RNF6: variants seen among roughly 807,000 people sequenced by gnomAD.
RNF6 encodes ring finger protein 6.
Under a neutral mutation model 50.1 loss-of-function variants are expected in RNF6, and 21 were observed. That is an observed-to-expected ratio of 0.42 (90% CI 0.30 to 0.60). The LOEUF is 0.60. Among genes scored for constraint, RNF6 ranks in the 20% least tolerant of loss-of-function variants. RNF6 has a pLI of 0.20. For synonymous variants in RNF6, 255 were observed against 291.8 expected, an observed-to-expected ratio of 0.87 and a Z score of 1.29; for missense variants, 698 against 838.2, an observed-to-expected ratio of 0.83 and a Z score of 2.07.
At chr13:26,165,117 T>C (rs1448944706) in intron 5 of RNF6, among the ~76,000 whole-genome samples, 1 of 152,170 alleles carries the variant, frequency 6.6e-6, no homozygotes, top group Non-Finnish European at 1.5e-5. Flanking sequence ...GTGTGCAGCC[T>C]AGGGACTCGG....
At chr13:26,177,871 T>A (rs538924696) in intron 5 of RNF6, among the ~76,000 whole-genome samples, 1 of 152,308 alleles carries the variant, frequency 6.6e-6, no homozygotes, top group East Asian at 1.9e-4. Flanking sequence ...AACACAAATA[T>A]GATGTGTCAC....
intron 5 of RNF6, among the ~76,000 whole-genome samples, chr13:26,146,554 T>C (rs578083169): frequency 2.4e-4 from 36 of 152,314 alleles, no homozygotes; most frequent in African/African-American, 8.2e-4. Flanking sequence ...TGGACCACCC[T>C]AGGGTGAGTG....
intron 5 of RNF6, among the ~76,000 whole-genome samples, chr13:26,200,712 C>A (rs1868866625): frequency 1.3e-5 from 2 of 152,180 alleles, no homozygotes; most frequent in African/African-American, 2.4e-5. Context: ...GCCTGAAATT[C>A]TTAATAATTT....
intron 5 of RNF6, among the ~76,000 whole-genome samples, chr13:26,149,491 G>A (rs572147615): frequency 6.6e-6 from 1 of 152,124 alleles, no homozygotes; most frequent in East Asian, 1.9e-4. Context: ...GGAGGCTCAG[G>A]CAGGAGAATA....
intron 5 of RNF6, among the ~76,000 whole-genome samples, chr13:26,148,113 C>A (rs542564141): frequency 6.6e-6 from 1 of 152,250 alleles, no homozygotes; most frequent in Non-Finnish European, 1.5e-5. Context: ...GAGAAGCAAG[C>A]ACCTTCTTCA....
chr13:26,141,847 A>G (rs1210084352), intron 5 of RNF6, among the ~76,000 whole-genome samples: 1 of 152,138 alleles, frequency 6.6e-6, no homozygotes, highest in Non-Finnish European at 1.5e-5. Flanking sequence ...CAAAGAATTT[A>G]TTCTTTGGTC....
At chr13:26,133,164 A>C (rs967275651) in intron 5 of RNF6, among the ~76,000 whole-genome samples, 1 of 152,244 alleles carries the variant, frequency 6.6e-6, no homozygotes, top group Non-Finnish European at 1.5e-5. Flanking sequence ...AAGTATTGAA[A>C]TAAAAGACCT....
intron 5 of RNF6, among the ~76,000 whole-genome samples, chr13:26,195,052 A>T (rs917227719): frequency 3.9e-5 from 6 of 152,228 alleles, no homozygotes; most frequent in African/African-American, 1.4e-4. Context: ...CAATGGCCAA[A>T]AAACAGTATT....
chr13:26,196,403 C>T (rs1473969931), intron 5 of RNF6, among the ~76,000 whole-genome samples: 1 of 152,128 alleles, frequency 6.6e-6, no homozygotes, highest in Admixed American at 6.6e-5. Flanking sequence ...GTAATCCCAG[C>T]ACTTTGGGAG....
Position 26,222,051 on chromosome 13 carries a change from T to C in RNF6, c.-150A>G, listed in dbSNP as rs1213789477. 1.3e-5 allele frequency: 2 copies of C among 152,330 alleles called. No individual in the cohort carries two copies. Among genetic ancestry groups the C allele is most frequent in the East Asian group, 3.9e-4 (2 of 5,168 alleles). 9.4% of individuals were successfully genotyped at this position (152,330 alleles called of 1,614,324 possible). ...CCTCCTGTCCGGAGAACGTGTGCTG[T>C]GGGCGGCCGTTCTCTCGGGTGCTGG... On this transcript the variant is annotated 5_prime_UTR_variant, in exon 1 of 5. Transcript: ENST00000381588.
chr13:26,214,498 C>G lies in RNF6; in HGVS notation c.1384G>C (p.Val462Leu). 6.2e-7 allele frequency: 1 copy of G among 1,614,186 alleles called. No individual in the cohort carries two copies. The highest frequency in any genetic ancestry group is 1.3e-5 in the African/African-American group (1 of 75,052). ...GIRTYVSTIT[V>L]PLRRISENEL... is the part of the protein sequence containing the mutation. ...TTCTCAGAAATCCTACGAAGAGGAA[C>G]TGTTATGGTACTAACATAGGTTCGA... The change falls in exon 5 of 5, where the codon GTT becomes CTT. Residue 462 changes from valine (V) to leucine (L), a missense_variant. Physicochemically the swap from Val to Leu is conservative, Grantham distance 32. Transcript: ENST00000381588.
intron 5 of RNF6, among the ~76,000 whole-genome samples, chr13:26,191,288 C>A (rs565701435): frequency 7.9e-5 from 12 of 152,132 alleles, no homozygotes; most frequent in African/African-American, 2.9e-4. Context: ...TAAATGCATT[C>A]ATTCATTCAA....
chr13:26,149,870 G>GTATA lies in RNF6; in HGVS notation n.769-17423_769-17420dup, dbSNP rs749089662. Among the ~76,000 whole-genome samples the GTATA allele has an allele frequency of 4.5e-4, 33 of 73,996 alleles. 1 individual carries two copies. Among genetic ancestry groups the GTATA allele is most frequent in the African/African-American group, 1.2e-3 (23 of 19,648 alleles). The allele number at this position is 73,996 out of a possible 152,430, so 48.5% of individuals were successfully genotyped here. A position where few individuals can be genotyped will look rare whatever the true frequency, so the allele number is the denominator to read the frequency against. Reference sequence around the variant, plus strand: ...CACAGTGTATATATAATGTGTGTGTGTATATATATATATATATATATATAC... The same window carrying GTATA: ...CACAGTGTATATATAATGTGTGTGTGTATATATATATATATATATATATATATAC... On this transcript the variant is annotated intron_variant and non_coding_transcript_variant, in intron 5 of 5. Coordinates refer to the RNF6 transcript ENST00000468480.
chr13:26,132,520 T>C (rs1870444611), intron 5 of RNF6: 1 of 436,474 alleles, frequency 2.3e-6, no homozygotes, highest in Admixed American at 2.6e-5. Flanking sequence ...AACTTCCATG[T>C]CTTTAGTAAT....
rs1868564207 is a variant in RNF6 at position 26,194,057 on chromosome 13, T to TA, written n.768+21416dup. Among the ~76,000 whole-genome samples the TA allele has an allele frequency of 1.3e-5, 2 of 152,174 alleles. 1 individual carries two copies. Among genetic ancestry groups the TA allele is most frequent in the South Asian group, 4.1e-4 (2 of 4,830 alleles). On this transcript the variant is annotated intron_variant and non_coding_transcript_variant, in intron 5 of 5. Coordinates refer to the RNF6 transcript ENST00000468480. ...TGATGGCACAAATGCACTAAGGAAA[T>TA]ACAATATTACTGCTCGGAAGCAATA...
At chr13:26,176,935 A>G (rs1264984819) in intron 5 of RNF6, among the ~76,000 whole-genome samples, 4 of 152,206 alleles carry the variant, frequency 2.6e-5, no homozygotes, top group Non-Finnish European at 5.9e-5. Flanking sequence ...CTCGGTCTCA[A>G]AAAAACAAAC....
intron 5 of RNF6, among the ~76,000 whole-genome samples, chr13:26,165,313 G>A (rs906305913): frequency 3.3e-5 from 5 of 152,212 alleles, no homozygotes; most frequent in Non-Finnish European, 7.3e-5. Context: ...GTATGGAAAC[G>A]CCTGGATGTC....
intron 5 of RNF6, among the ~76,000 whole-genome samples, chr13:26,165,366 G>A (rs186666523): frequency 5.6e-4 from 85 of 152,318 alleles, no homozygotes; most frequent in African/African-American, 1.9e-3. Flanking sequence ...CATGGAGAAC[G>A]TCTGCTAGGG....
chr13:26,190,545 G>A (rs1490096007), intron 5 of RNF6, among the ~76,000 whole-genome samples: 1 of 152,118 alleles, frequency 6.6e-6, no homozygotes, highest in Non-Finnish European at 1.5e-5. Flanking sequence ...GAGAATGTTG[G>A]CCAACCCTAA....
Sources: gnomAD v4.1 joint callset for allele counts (sites outside exome capture counted in the v4.1 genomes callset) on GRCh38, gnomAD v4.1.1 for gene constraint, MANE v1.5 for transcripts, NCBI Gene and HGNC (gene_info 2026-07-23, HGNC 2026-07-21) for gene names.